Variants in MCC observed in about 807,000 individuals in gnomAD.
MCC encodes MCC regulator of Wnt signaling pathway.
Under a neutral mutation model 116.2 loss-of-function variants are expected in MCC, and 90 were observed. The ratio of observed to expected loss-of-function variants is 0.77; its 90% confidence interval spans 0.65 to 0.92. The LOEUF is 0.92. Ranked by LOEUF, MCC falls within the 40% of genes least tolerant of loss-of-function variation. MCC has a pLI of 0.00. For missense variants in MCC, 1,516 were observed against 1,312.2 expected, an observed-to-expected ratio of 1.16 and a Z score of -2.40; for synonymous variants, 578 against 510.5, an observed-to-expected ratio of 1.13 and a Z score of -1.78.
chr5:113,480,584 A>C (rs1021963001), intron 1 of MCC, among the ~76,000 whole-genome samples: 5 of 152,178 alleles, frequency 3.3e-5, no homozygotes, highest in Admixed American at 6.5e-5. Flanking sequence ...ACTTCCATCA[A>C]CGTCTTCCAT....
chr5:113,082,202 T>C (rs1754910313), intron 11 of MCC, among the ~76,000 whole-genome samples: 1 of 152,224 alleles, frequency 6.6e-6, no homozygotes, highest in South Asian at 2.1e-4. Context: ...AAAGAATCCA[T>C]AAAATGGGGT....
At chr5:113,324,308 G>C in intron 3 of MCC, among the ~76,000 whole-genome samples, 1 of 152,086 alleles carries the variant, frequency 6.6e-6, no homozygotes, top group Admixed American at 6.5e-5. Flanking sequence ...TTTACTTTTG[G>C]TGTGGGCATG....
intron 3 of MCC, among the ~76,000 whole-genome samples, chr5:113,284,169 G>A (rs774432106): frequency 1.3e-5 from 2 of 152,188 alleles, no homozygotes; most frequent in Non-Finnish European, 2.9e-5. Flanking sequence ...TGGGTGACTG[G>A]CAAAATCCCA....
chr5:113,278,623 T>C (rs1245574764), intron 3 of MCC, among the ~76,000 whole-genome samples: 1 of 152,154 alleles, frequency 6.6e-6, no homozygotes, highest in Non-Finnish European at 1.5e-5. Context: ...AGTGGAGGAA[T>C]AGCAAATGTG....
rs1750472562 is a variant in MCC, at chr5:113,025,456, C to G, written c.*1846G>C. 1 of 151,882 alleles carries G rather than the reference C, an allele frequency of 6.6e-6. No individual in the cohort carries two copies. Among genetic ancestry groups the G allele is most frequent in the Non-Finnish European group, 1.5e-5 (1 of 68,018 alleles). The allele number at this position is 151,882 out of a possible 1,614,324, so 9.4% of individuals were successfully genotyped here. Reference sequence around the variant, plus strand: ...CCTGGCCAACATGGTGAAACCCTGTCTCTACTAAAAATACAAAAAAACTAG... The same window carrying G: ...CCTGGCCAACATGGTGAAACCCTGTGTCTACTAAAAATACAAAAAAACTAG... On this transcript the variant is annotated 3_prime_UTR_variant, in exon 19 of 19. Coordinates refer to ENST00000408903, the MANE Select transcript of MCC (RefSeq NM_001085377.2).
At chr5:113,332,986 G>A (rs1767737521) in intron 3 of MCC, among the ~76,000 whole-genome samples, 1 of 151,594 alleles carries the variant, frequency 6.6e-6, no homozygotes, top group Non-Finnish European at 1.5e-5. Flanking sequence ...CATCAAGGTA[G>A]CAGATCTCAA....
chr5:113,476,587 T>A (rs1302387885), intron 1 of MCC, among the ~76,000 whole-genome samples: 1 of 152,184 alleles, frequency 6.6e-6, no homozygotes, highest in Non-Finnish European at 1.5e-5. Context: ...TATAAAACTC[T>A]TAGAAGAAAA....
chr5:113,299,499 G>C (rs1766804210), intron 3 of MCC, among the ~76,000 whole-genome samples: 1 of 151,948 alleles, frequency 6.6e-6, no homozygotes, highest in South Asian at 2.1e-4. Flanking sequence ...CTAAGATACT[G>C]CTTTGAACAA....
intron 5 of MCC, among the ~76,000 whole-genome samples, chr5:113,141,003 G>T (rs1357690892): frequency 6.6e-6 from 1 of 152,222 alleles, no homozygotes; most frequent in Non-Finnish European, 1.5e-5. Context: ...TTCCAGAGGA[G>T]ACTGGTGTGT....
Position 113,307,191 on chromosome 5 carries a change from C to T in MCC, c.627+33328G>A, listed in dbSNP as rs149612023. Among the ~76,000 whole-genome samples the T allele has an allele frequency of 3.3e-5, 5 of 152,270 alleles. No individual in the cohort carries two copies. The East Asian group carries it at 9.6e-4, about 29-fold the overall frequency. ...TCAGCTTGTTATTGTGCCAAGTAGA[C>T]AGATGAAATTTTGATAGGCGTGCAC... On this transcript the variant is annotated intron_variant, in intron 3 of 18. Transcript: ENST00000408903.
intron 1 of MCC, among the ~76,000 whole-genome samples, chr5:113,404,343 C>A (rs13358111): frequency 0.1 from 15,638 of 152,126 alleles, 1,336 homozygotes; most frequent in African/African-American, 0.23. Context: ...TTCTTAAAAG[C>A]AATGCCCTCA....
At chr5:113,157,726 A>C (rs1760251315) in intron 3 of MCC, among the ~76,000 whole-genome samples, 1 of 152,188 alleles carries the variant, frequency 6.6e-6, no homozygotes, top group South Asian at 2.1e-4. Context: ...CTCCCCCTTA[A>C]TGGAGGGAGG....
In MCC at chr5:113,434,923, G is replaced by A. The variant is rs1770803901; in HGVS notation, c.171-49711C>T. 1 of 1,500,798 alleles carries A rather than the reference G, an allele frequency of 6.7e-7. No individual in the cohort carries two copies. The highest frequency in any genetic ancestry group is 8.9e-7 in the Non-Finnish European group (1 of 1,117,800). 93.0% of individuals were successfully genotyped at this position (1,500,798 alleles called of 1,614,324 possible). A position where few individuals can be genotyped will look rare whatever the true frequency, so the allele number is the denominator to read the frequency against. On this transcript the variant is annotated intron_variant, in intron 1 of 18. Transcript: ENST00000408903. The surrounding 1 kb of genome is among the most constrained non-coding windows in gnomAD (Gnocchi z 4.2). ...CCAGCAGTGTGCTCATTTACATCCT[G>A]GATAGAGAGTCCTTTGGGCTGGCCA...
intron 3 of MCC, among the ~76,000 whole-genome samples, chr5:113,197,597 T>C (rs1371755342): frequency 6.6e-6 from 1 of 152,198 alleles, no homozygotes; most frequent in East Asian, 1.9e-4. Flanking sequence ...CACCTCCCAC[T>C]ATTTCTTGGG....
chr5:113,153,303 C>A (rs919352886), intron 3 of MCC, among the ~76,000 whole-genome samples: 1 of 152,122 alleles, frequency 6.6e-6, no homozygotes. Context: ...GAAAGGGCTG[C>A]TTGAAGGGGT....
intron 17 of MCC, among the ~76,000 whole-genome samples, chr5:113,035,183 C>T (rs1751247552): frequency 6.6e-6 from 1 of 152,234 alleles, no homozygotes; most frequent in African/African-American, 2.4e-5. Flanking sequence ...TTCAGCCAGT[C>T]ACTCATTGGG....
chr5:113,046,037 C>T (rs1752048768), intron 16 of MCC, among the ~76,000 whole-genome samples: 1 of 151,944 alleles, frequency 6.6e-6, no homozygotes, highest in Non-Finnish European at 1.5e-5. Context: ...ATGAATAGCC[C>T]AGATGGGAGA....
chr5:113,184,497 T>TTTG (rs1491319610), intron 3 of MCC, among the ~76,000 whole-genome samples: 2 of 117,260 alleles, frequency 1.7e-5, no homozygotes, highest in Non-Finnish European at 1.9e-5. Flanking sequence ...TTTTTTTTTT[T>TTTG]GGAGACAGAG....
At chr5:113,066,768 G>C (rs527412694) in intron 13 of MCC, among the ~76,000 whole-genome samples, 2 of 152,330 alleles carry the variant, frequency 1.3e-5, no homozygotes, top group East Asian at 3.9e-4. Flanking sequence ...TGAAGGGTGT[G>C]TCCTGGATGG....
Sources: gnomAD v4.1 joint callset for allele counts (sites outside exome capture counted in the v4.1 genomes callset) on GRCh38, gnomAD v4.1.1 for gene constraint, Gnocchi (gnomAD v3.1) non-coding constraint, MANE v1.5 for transcripts, NCBI Gene and HGNC (gene_info 2026-07-23, HGNC 2026-07-21) for gene names.